The following NIPSNAP1 variants were observed in gnomAD, a reference collection of about 807,000 sequenced individuals.
The protein encoded by NIPSNAP1 is nipsnap homolog 1, also known as protein NipSnap homolog 1.
A neutral mutation model predicts 49.2 loss-of-function variants in NIPSNAP1; 25 were observed. That is an observed-to-expected ratio of 0.51 (90% CI 0.37 to 0.71). The LOEUF (loss-of-function observed/expected upper bound fraction) is 0.71. Among genes scored for constraint, NIPSNAP1 ranks in the 30% least tolerant of loss-of-function variants. The pLI, the probability that NIPSNAP1 is intolerant of heterozygous loss-of-function variation, is 0.00. For synonymous variants in NIPSNAP1, 143 were observed against 140.7 expected (o/e 1.02, Z -0.12); for missense variants, 294 against 361.0 (o/e 0.81, Z 1.50).
chr22:29,561,107 G>T, intron 7 of NIPSNAP1, 64 bp downstream of exon 7: 1 of 1,491,308 alleles, frequency 6.7e-7, no homozygotes. Context: ...CCCACCAGGG[G>T]CCTTGGTGGG....
chr22:29,556,818 C>G (rs1042803815), intron 9 of NIPSNAP1, among the ~76,000 whole-genome samples: 8 of 151,988 alleles, frequency 5.3e-5, no homozygotes, highest in Non-Finnish European at 1.0e-4. Context: ...GGCACTATCT[C>G]GGCTCACTGC....
intron 3 of NIPSNAP1, chr22:29,569,922 G>C: frequency 1.9e-6 from 1 of 519,134 alleles, no homozygotes; most frequent in South Asian, 2.1e-5. Context: ...CTGGGAGGCA[G>C]AGGTTGCAGT....
chr22:29,577,384 T>A (rs892725066), intron 1 of NIPSNAP1, among the ~76,000 whole-genome samples: 1 of 147,956 alleles, frequency 6.8e-6, no homozygotes, highest in South Asian at 2.1e-4. Flanking sequence ...TCCGGAGTAG[T>A]TGGGACTATA....
chr22:29,568,327 T>C (rs891235518), intron 4 of NIPSNAP1, among the ~76,000 whole-genome samples: 1 of 134,514 alleles, frequency 7.4e-6, no homozygotes, highest in African/African-American at 2.8e-5. Flanking sequence ...CTACTAAAGA[T>C]ACAAAATTAG....
chr22:29,580,552 C>A (rs1270238565), intron 1 of NIPSNAP1, among the ~76,000 whole-genome samples: 1 of 152,162 alleles, frequency 6.6e-6, no homozygotes, highest in Non-Finnish European at 1.5e-5. Context: ...AACAAAGGGT[C>A]TGTGCAGCCA....
chr22:29,568,723 C>T (rs1482128714), intron 4 of NIPSNAP1, among the ~76,000 whole-genome samples: 3 of 151,872 alleles, frequency 2.0e-5, no homozygotes, highest in Admixed American at 6.6e-5. Flanking sequence ...ACTGGGGAGG[C>T]GGAGGTTGCA....
chr22:29,556,027 C>T, intron 9 of NIPSNAP1, 28 bp from the exon 10 acceptor site: 1 of 1,549,784 alleles, frequency 6.5e-7, no homozygotes, highest in Non-Finnish European at 8.7e-7. Flanking sequence ...AGAGGTCACA[C>T]AGGGGGCTCA....
intron 3 of NIPSNAP1, 71 bp from the exon 4 acceptor site, chr22:29,569,358 C>G (rs2064390425): frequency 2.7e-6 from 3 of 1,120,130 alleles, no homozygotes; most frequent in Non-Finnish European, 4.0e-6. Context: ...GGTTCAAACT[C>G]AGTTCAAACA....
chr22:29,555,957 A>G lies in NIPSNAP1; in HGVS notation c.833T>C (p.Leu278Ser), dbSNP rs760226044. The change falls in exon 10 of 10, where the codon TTG becomes TCG. Residue 278 changes from leucine to serine, a missense_variant. Around this residue, in one of 4 missense-constraint regions of NIPSNAP1, gnomAD observed 146 missense variants for 219.9 expected, o/e 0.66. Transcript: ENST00000216121. ...RHMESRIMIP[L>S]KISPLQ Reference sequence around the variant, plus strand: ...GCATCACTGCAGAGGCGAGATCTTCAAGGGGATCATGATCCTAGACTCCAT... The same window carrying G: ...GCATCACTGCAGAGGCGAGATCTTCGAGGGGATCATGATCCTAGACTCCAT... 73 of 1,551,708 alleles carry G rather than the reference A, an allele frequency of 4.7e-5. 1 individual carries two copies. In the South Asian group the frequency reaches 8.2e-4, roughly 17 times the overall value.
At chr22:29,580,042 A>T in intron 1 of NIPSNAP1, 1 of 1,271,248 alleles carries the variant, frequency 7.9e-7, no homozygotes, top group Non-Finnish European at 1.0e-6. Flanking sequence ...GCTGCAGGGC[A>T]GGAGGGATGG....
In NIPSNAP1 at chr22:29,578,679, C is replaced by T. The variant is rs376925506; in HGVS notation, c.98+2306G>A. On this transcript the variant is annotated intron_variant, in intron 1 of 9. Transcript: ENST00000216121. The stretch of plus-strand genomic sequence containing the variant: ...TAACTGCAAGACAGTCCTTGAGGGA[C>T]TTGATAAACATTAATTCAAGTGGCT... Among the ~76,000 whole-genome samples the T allele has an allele frequency of 6.6e-5, 10 of 151,396 alleles. No individual in the cohort carries two copies. In the South Asian group the frequency reaches 2.1e-3, roughly 31 times the overall value.
Position 29,561,026 on chromosome 22 carries a change from G to A in NIPSNAP1, c.611+145C>T. The A allele has an allele frequency of 1.5e-5, 14 of 915,618 alleles. No individual in the cohort carries two copies. The South Asian group carries it at 1.8e-4, about 12-fold the overall frequency. 56.7% of individuals were successfully genotyped at this position (915,618 alleles called of 1,614,324 possible). On this transcript the variant is annotated intron_variant, in intron 7 of 9. Transcript: ENST00000216121. ...TCTAGGAGATCCTCACCTCCTGGCTGGATCCTTCTCCCAGATCCATGAGGG... is the reference window on the plus strand; with the variant it reads ...TCTAGGAGATCCTCACCTCCTGGCTAGATCCTTCTCCCAGATCCATGAGGG...
intron 4 of NIPSNAP1, among the ~76,000 whole-genome samples, chr22:29,566,652 G>T (rs1427705357): frequency 6.6e-6 from 1 of 151,944 alleles, no homozygotes; most frequent in Non-Finnish European, 1.5e-5. Flanking sequence ...GCGAAACCCT[G>T]TCTCTACTAA....
intron 1 of NIPSNAP1, chr22:29,579,820 G>T (rs1039543838): frequency 3.1e-6 from 1 of 325,348 alleles, no homozygotes; most frequent in Non-Finnish European, 6.2e-6. Context: ...AAAGAGTCCT[G>T]AGGTCACCCC....
In NIPSNAP1 at chr22:29,561,503, C is replaced by G. The variant is rs2064335493; in HGVS notation, c.579+3G>C. ...CAGGAGGGGGTCTGTCGGAGGGAGG[C>G]ACCTTGAGCTTGTATGTCCTCAGCT... On this transcript the variant is annotated splice_donor_region_variant and intron_variant, in intron 6 of 9. Transcript: ENST00000216121. 4 of 1,613,826 alleles carry G rather than the reference C, an allele frequency of 2.5e-6. No individual in the cohort carries two copies. Among genetic ancestry groups the G allele is most frequent in the Non-Finnish European group, 3.4e-6 (4 of 1,179,924 alleles).
intron 1 of NIPSNAP1, among the ~76,000 whole-genome samples, chr22:29,575,594 T>G (rs1385216346): frequency 1.3e-5 from 2 of 152,182 alleles, no homozygotes; most frequent in Non-Finnish European, 2.9e-5. Context: ...CTCTCTATCT[T>G]GTTCCAGAGC....
chr22:29,569,899 GA>G (rs2064394789), intron 3 of NIPSNAP1: 1 of 488,472 alleles, frequency 2.0e-6, no homozygotes, highest in African/African-American at 2.0e-5. Context: ...TGGAACAGGA[GA>G]ATCGCTTGTA....
intron 1 of NIPSNAP1, among the ~76,000 whole-genome samples, chr22:29,571,937 A>T (rs999963397): frequency 1.3e-5 from 2 of 151,826 alleles, no homozygotes; most frequent in African/African-American, 2.4e-5. Flanking sequence ...CACCACATCC[A>T]GGTAATTTTC....
At chr22:29,564,843 A>G (rs911161998) in intron 4 of NIPSNAP1, among the ~76,000 whole-genome samples, 5 of 152,264 alleles carry the variant, frequency 3.3e-5, no homozygotes, top group Middle Eastern at 3.4e-3. Flanking sequence ...TCAGCTGACT[A>G]TGTGAGGGAC....
Sources: gnomAD v4.1 joint callset for allele counts (sites outside exome capture counted in the v4.1 genomes callset) on GRCh38, gnomAD v4.1.1 for gene constraint, gnomAD v4.1.1 regional missense constraint, MANE v1.5 for transcripts, NCBI Gene and HGNC (gene_info 2026-07-23, HGNC 2026-07-21) for gene names.